NTM: variants seen among roughly 807,000 people sequenced by gnomAD.
NTM encodes the protein neurotrimin.
Under a neutral mutation model 42.1 loss-of-function variants are expected in NTM, and 13 were observed. The ratio of observed to expected loss-of-function variants is 0.31; its 90% CI spans 0.20 to 0.49. The LOEUF is 0.49. Among genes scored for constraint, NTM ranks in the 20% least tolerant of loss-of-function variants. The pLI, the probability that NTM is intolerant of heterozygous loss-of-function variation, is 0.99. For synonymous variants in NTM, 187 were observed against 179.2 expected, an observed-to-expected ratio of 1.04 and a Z score of -0.35; for missense variants, 373 against 452.8, an observed-to-expected ratio of 0.82 and a Z score of 1.60.
rs2057253341 is a variant in NTM, at chr11:131,921,744, G to C, written c.167+10096G>C. Among the ~76,000 whole-genome samples, 3 of 152,060 alleles carry C rather than the reference G, an allele frequency of 2.0e-5. No homozygotes were observed. The South Asian group carries it at 6.3e-4, about 32-fold the overall frequency. On this transcript the variant is annotated intron_variant, in intron 2 of 8. Transcript: ENST00000683400. ...TCCAGAATGCTTCTGGGTCTCAGTC[G>C]TGAGCCCAGCCTCTCCATTACAAAT... is the stretch of plus-strand genomic sequence containing the variant.
At chr11:132,105,593 A>G (rs975947181) in intron 2 of NTM, among the ~76,000 whole-genome samples, 6 of 152,182 alleles carry the variant, frequency 3.9e-5, no homozygotes, top group African/African-American at 1.4e-4. Flanking sequence ...AGCAGGCAGC[A>G]GAGAAGCGTT....
In NTM at chr11:131,881,228, G is replaced by A. The variant is rs1217475817; in HGVS notation, c.83-30336G>A. On this transcript the variant is annotated intron_variant, in intron 1 of 8. Transcript: ENST00000683400. ...CATTCCATTGCCCTCATTCACACGCGTTGAGTGCTTAATATGAGAAATTAA... is the reference window on the plus strand; with the variant it reads ...CATTCCATTGCCCTCATTCACACGCATTGAGTGCTTAATATGAGAAATTAA... Among the ~76,000 whole-genome samples the A allele has an allele frequency of 3.9e-5, 6 of 152,056 alleles. 1 individual carries two copies. In the South Asian group the frequency reaches 6.2e-4, roughly 16 times the overall value.
intron 1 of NTM, chr11:131,794,477 C>T: frequency 1.0e-6 from 1 of 985,092 alleles, no homozygotes; most frequent in Non-Finnish European, 1.2e-6. Context: ...CCCCACCCGC[C>T]GTTTACTACT....
chr11:132,011,002 G>T (rs988789463), intron 2 of NTM, among the ~76,000 whole-genome samples: 4 of 151,102 alleles, frequency 2.6e-5, no homozygotes, highest in Non-Finnish European at 5.9e-5. Flanking sequence ...TTTACATGTC[G>T]ATCTCGTATG....
rs539516346 is a variant in NTM, at chr11:131,945,131, T to C, written c.167+33483T>C. The stretch of plus-strand genomic sequence containing the variant: ...ATGTGCATTAAAGGTTTGCGGTATT[T>C]TCCTTATAGGGCGATTCACAAAATT... On this transcript the variant is annotated intron_variant, in intron 2 of 8. Transcript: ENST00000683400. Among the ~76,000 whole-genome samples, 5 of 152,330 alleles carry C rather than the reference T, an allele frequency of 3.3e-5. No individual in the cohort carries two copies. The East Asian group carries it at 9.6e-4, about 29-fold the overall frequency.
intron 1 of NTM, among the ~76,000 whole-genome samples, chr11:131,780,655 C>T (rs910259776): frequency 6.6e-6 from 1 of 152,122 alleles, no homozygotes; most frequent in Admixed American, 6.6e-5. Context: ...TCAAGATTTC[C>T]ATGGCACTTG....
chr11:131,865,041 C>G (rs1368136722), intron 1 of NTM, among the ~76,000 whole-genome samples: 2 of 152,180 alleles, frequency 1.3e-5, no homozygotes, highest in African/African-American at 2.4e-5. Flanking sequence ...TGTTCTGGAA[C>G]CTGCCTCAAG....
At chr11:131,543,422 C>T (rs766732271) in intron 1 of NTM, among the ~76,000 whole-genome samples, 2 of 152,184 alleles carry the variant, frequency 1.3e-5, no homozygotes, top group Non-Finnish European at 2.9e-5. Flanking sequence ...AACCTCTTTC[C>T]CAAGACCCAC....
chr11:131,395,281 AAC>A (rs1944425830), intron 1 of NTM, among the ~76,000 whole-genome samples: 1 of 152,230 alleles, frequency 6.6e-6, no homozygotes, highest in African/African-American at 2.4e-5. Context: ...ATGATTGCTG[AAC>A]AGAAATGGTT....
rs112255694 is a variant in NTM at position 132,061,280 on chromosome 11, G to A, written c.168-85002G>A. On this transcript the variant is annotated intron_variant, in intron 2 of 8. Coordinates refer to ENST00000683400, the MANE Select transcript of NTM (RefSeq NM_001352005.2). ...TAGCATTGGCATATTTTTTGTGTAC[G>A]TTCTAATAGAATGGCCAATAAATCA... Among the ~76,000 whole-genome samples, 243 of 152,218 alleles carry A rather than the reference G, an allele frequency of 1.6e-3. 2 individuals are homozygous for A. Among genetic ancestry groups the A allele is most frequent in the African/African-American group, 5.5e-3 (228 of 41,540 alleles).
At chr11:131,606,545 G>C (rs546699872) in intron 1 of NTM, among the ~76,000 whole-genome samples, 25 of 152,310 alleles carry the variant, frequency 1.6e-4, no homozygotes, top group African/African-American at 6.0e-4. Context: ...TGACAGTAAT[G>C]GGTTTGGAAA....
chr11:131,864,221 C>T (rs921774589), intron 1 of NTM, among the ~76,000 whole-genome samples: 2 of 152,096 alleles, frequency 1.3e-5, no homozygotes, highest in African/African-American at 2.4e-5. Context: ...GGGAGAAAAG[C>T]AATCCAACGA....
intron 1 of NTM, among the ~76,000 whole-genome samples, chr11:131,504,331 T>C (rs7130414): frequency 0.18 from 26,646 of 152,140 alleles, 3,358 homozygotes; most frequent in African/African-American, 0.36. Context: ...CTCTCCTCTG[T>C]TGGCATGGGG....
chr11:131,537,196 A>AG (rs967017866), intron 1 of NTM: 2 of 151,910 alleles, frequency 1.3e-5, no homozygotes, highest in Non-Finnish European at 2.9e-5. Context: ...AAAAAAAAAA[A>AG]AAAAACAATT....
At chr11:131,916,234 A>C (rs953862488) in intron 2 of NTM, among the ~76,000 whole-genome samples, 9 of 152,324 alleles carry the variant, frequency 5.9e-5, no homozygotes, top group African/African-American at 1.9e-4. Context: ...GAGCCCCAGA[A>C]GCCCCAATGC....
chr11:132,130,703 G>T (rs1032076003), intron 2 of NTM, among the ~76,000 whole-genome samples: 10 of 152,318 alleles, frequency 6.6e-5, no homozygotes, highest in African/African-American at 1.9e-4. Flanking sequence ...ACAGCTAGGG[G>T]TTTCAAACAG....
At chr11:131,667,700 C>G (rs887670032) in intron 1 of NTM, among the ~76,000 whole-genome samples, 1 of 152,194 alleles carries the variant, frequency 6.6e-6, no homozygotes, top group Admixed American at 6.5e-5. Flanking sequence ...TGAAACGTCC[C>G]TGAGCAGACC....
chr11:132,028,432 G>A (rs949846573), intron 2 of NTM, among the ~76,000 whole-genome samples: 16 of 152,064 alleles, frequency 1.1e-4, no homozygotes, highest in African/African-American at 3.9e-4. Context: ...GTTTCCTCTG[G>A]TGTTCTTGTT....
In NTM at chr11:131,456,387, T is replaced by C. The variant is rs868002976; in HGVS notation, c.82+85499T>C. Among the ~76,000 whole-genome samples the C allele has an allele frequency of 2.6e-5, 4 of 152,332 alleles. No individual in the cohort carries two copies. In the South Asian group the frequency reaches 8.3e-4, roughly 32 times the overall value. ...CTGTTTTGGTTGAGTATGACAGGAA[T>C]GACCCAATTTGTATAATCAACATTC... On this transcript the variant is annotated intron_variant, in intron 1 of 8. Coordinates refer to ENST00000683400, the MANE Select transcript of NTM (RefSeq NM_001352005.2).
Sources: gnomAD v4.1 joint callset for allele counts (sites outside exome capture counted in the v4.1 genomes callset) on GRCh38, gnomAD v4.1.1 for gene constraint, MANE v1.5 for transcripts, NCBI Gene and HGNC (gene_info 2026-07-23, HGNC 2026-07-21) for gene names.